The following TRABD2A variants were observed in gnomAD, a reference collection of about 807,000 sequenced individuals.
TRABD2A encodes the protein TraB domain containing 2A.
A neutral mutation model predicts 45.6 loss-of-function variants in TRABD2A; 43 were observed. The ratio of observed to expected loss-of-function variants is 0.94; its 90% CI spans 0.74 to 1.22. TRABD2A has a LOEUF of 1.22. Among genes scored for constraint, TRABD2A ranks in the 50% most tolerant of loss-of-function variants. The pLI is 0.00. For synonymous variants in TRABD2A, 269 were observed against 265.0 expected, an observed-to-expected ratio of 1.02 and a Z score of -0.15; for missense variants, 642 against 652.4, an observed-to-expected ratio of 0.98 and a Z score of 0.17.
At chr2:84,865,534 C>A (rs1559096629) in intron 2 of TRABD2A, among the ~76,000 whole-genome samples, 2 of 152,228 alleles carry the variant, frequency 1.3e-5, no homozygotes, top group African/African-American at 4.8e-5. Context: ...AACTCCAGAA[C>A]TGTTGGCTAC....
chr2:84,854,332 C>T (rs544429001), intron 2 of TRABD2A, among the ~76,000 whole-genome samples: 12 of 152,176 alleles, frequency 7.9e-5, no homozygotes, highest in South Asian at 2.1e-4. Flanking sequence ...AGGCTAGATA[C>T]GAGTAAGCCC....
Sources: gnomAD v4.1 joint callset for allele counts (sites outside exome capture counted in the v4.1 genomes callset) on GRCh38, gnomAD v4.1.1 for gene constraint, MANE v1.5 for transcripts, NCBI Gene and HGNC (gene_info 2026-07-23, HGNC 2026-07-21) for gene names.